The following DCC variants were observed in gnomAD, a reference collection of about 807,000 sequenced individuals.
The protein encoded by DCC is DCC netrin 1 receptor.
A neutral mutation model predicts 172.5 loss-of-function variants in DCC; 58 were observed. The observed-to-expected ratio is 0.34, with a 90% CI of 0.27 to 0.42. The LOEUF (loss-of-function observed/expected upper bound fraction) is 0.42, where lower values mean the gene tolerates loss of function less well. Among genes scored for constraint, DCC ranks in the 10% least tolerant of loss-of-function variants. DCC has a pLI of 1.00. For synonymous variants in DCC, 709 were observed against 644.5 expected (o/e 1.10, Z -1.52); for missense variants, 1,740 against 1,791.0 (o/e 0.97, Z 0.51).
At chr18:53,280,580 T>C (rs566475083) in intron 12 of DCC, among the ~76,000 whole-genome samples, 2 of 152,190 alleles carry the variant, frequency 1.3e-5, no homozygotes, top group Admixed American at 6.6e-5. Flanking sequence ...GTTTTATTCA[T>C]ACTCTTGCCA....
chr18:52,800,069 T>C (rs921676900), intron 2 of DCC, among the ~76,000 whole-genome samples: 1 of 152,242 alleles, frequency 6.6e-6, no homozygotes, highest in Non-Finnish European at 1.5e-5. Flanking sequence ...TTCTAAATTA[T>C]ACTTTTATTA....
In DCC at chr18:52,946,835, G is replaced by C. The variant is rs529395031; in HGVS notation, c.985+21465G>C. Among the ~76,000 whole-genome samples, 86 of 152,282 alleles carry C rather than the reference G, an allele frequency of 5.6e-4. 2 individuals are homozygous for C. In the South Asian group the frequency reaches 0.018, roughly 31 times the overall value. On this transcript the variant is annotated intron_variant, in intron 5 of 28. Coordinates refer to ENST00000442544, the MANE Select transcript of DCC (RefSeq NM_005215.4). ...AATCCAGGGCCAAAATTAGGGTAAG[G>C]CAGGTGAGGTGCAAAATTTAAGAGG... is the stretch of plus-strand genomic sequence containing the variant.
At chr18:52,736,940 C>T (rs2036739649) in intron 1 of DCC, among the ~76,000 whole-genome samples, 1 of 152,140 alleles carries the variant, frequency 6.6e-6, no homozygotes, top group Admixed American at 6.6e-5. Context: ...TCAATAAACT[C>T]AGCACACTTT....
At chr18:52,731,203 G>A (rs1334284122) in intron 1 of DCC, among the ~76,000 whole-genome samples, 2 of 152,180 alleles carry the variant, frequency 1.3e-5, no homozygotes, top group Admixed American at 6.5e-5. Context: ...CCTAGACACT[G>A]TGTAATTAAT....
intron 1 of DCC, among the ~76,000 whole-genome samples, chr18:52,647,416 G>GT (rs1403924335): frequency 6.6e-6 from 1 of 152,152 alleles, no homozygotes; most frequent in East Asian, 1.9e-4. Flanking sequence ...TTGCCATCTG[G>GT]TGATAATGGA....
intron 11 of DCC, among the ~76,000 whole-genome samples, chr18:53,213,572 C>T (rs973970363): frequency 2.9e-5 from 4 of 138,508 alleles, no homozygotes; most frequent in African/African-American, 5.4e-5. Context: ...GGTGTGAACC[C>T]GGGAGACGAA....
At chr18:52,685,458 TC>T (rs1174776448) in intron 1 of DCC, among the ~76,000 whole-genome samples, 3 of 152,252 alleles carry the variant, frequency 2.0e-5, no homozygotes, top group African/African-American at 4.8e-5. Context: ...AAATTTTGAT[TC>T]CCAGTTATGA....
intron 12 of DCC, among the ~76,000 whole-genome samples, chr18:53,271,824 C>T (rs1346960467): frequency 1.3e-5 from 2 of 152,158 alleles, no homozygotes; most frequent in Non-Finnish European, 2.9e-5. Context: ...AGGCTGCCTA[C>T]CAGCGTCTCC....
chr18:52,532,535 C>A (rs1249452003), intron 1 of DCC, among the ~76,000 whole-genome samples: 1 of 152,134 alleles, frequency 6.6e-6, no homozygotes, highest in East Asian at 1.9e-4. Context: ...ATTCTGGGAG[C>A]TGGATCTTCT....
chr18:52,679,369 C>G (rs1291850713), intron 1 of DCC, among the ~76,000 whole-genome samples: 1 of 152,022 alleles, frequency 6.6e-6, no homozygotes, highest in Non-Finnish European at 1.5e-5. Context: ...TGTGTTCATT[C>G]TAAAGCTAAC....
intron 13 of DCC, among the ~76,000 whole-genome samples, chr18:53,310,831 A>G (rs1015605523): frequency 6.6e-6 from 1 of 152,194 alleles, no homozygotes; most frequent in African/African-American, 2.4e-5. Context: ...AAAATTAGAA[A>G]TAGAACATAA....
intron 7 of DCC, among the ~76,000 whole-genome samples, chr18:53,129,523 T>C (rs1443455911): frequency 6.6e-6 from 1 of 152,188 alleles, no homozygotes; most frequent in Non-Finnish European, 1.5e-5. Context: ...TTGTCTGATT[T>C]CTAACACCAT....
chr18:53,089,588 CAAAAAA>C (rs1568297675), intron 7 of DCC, among the ~76,000 whole-genome samples: 1 of 125,834 alleles, frequency 7.9e-6, no homozygotes, highest in African/African-American at 3.5e-5. Flanking sequence ...AAAAAAAAAC[CAAAAAA>C]CAAAAAACAA....
intron 12 of DCC, among the ~76,000 whole-genome samples, chr18:53,278,227 T>C (rs1223476412): frequency 2.0e-5 from 3 of 152,152 alleles, no homozygotes; most frequent in Non-Finnish European, 2.9e-5. Context: ...TTGGGAATTA[T>C]ATGAGTCTAG....
At chr18:52,516,781 G>T (rs774095068) in intron 1 of DCC, among the ~76,000 whole-genome samples, 24 of 152,024 alleles carry the variant, frequency 1.6e-4, no homozygotes, top group Non-Finnish European at 3.2e-4. Context: ...CATCAGATCT[G>T]ATTATATTGT....
chr18:53,530,217 C>A, intron 28 of DCC: 1 of 649,594 alleles, frequency 1.5e-6, no homozygotes. Context: ...ATGTCATTAT[C>A]ATTTTATAGA....
intron 10 of DCC, 84 bp downstream of exon 10, chr18:53,205,448 A>G: frequency 7.3e-7 from 1 of 1,374,788 alleles, no homozygotes; most frequent in African/African-American, 1.4e-5. Flanking sequence ...GAAATAGGAA[A>G]AGACTCGCAA....
At chr18:52,826,818 C>T (rs184812954) in intron 2 of DCC, among the ~76,000 whole-genome samples, 97 of 152,192 alleles carry the variant, frequency 6.4e-4, no homozygotes, top group East Asian at 2.3e-3. Flanking sequence ...CCTCTGTATC[C>T]GTGGAGTTTC....
At chr18:52,978,809 T>C (rs1280629362) in intron 5 of DCC, among the ~76,000 whole-genome samples, 2 of 152,210 alleles carry the variant, frequency 1.3e-5, no homozygotes, top group African/African-American at 4.8e-5. Context: ...AGTGAGAACA[T>C]ACGGTATTTG....
Sources: gnomAD v4.1 joint callset for allele counts (sites outside exome capture counted in the v4.1 genomes callset) on GRCh38, gnomAD v4.1.1 for gene constraint, MANE v1.5 for transcripts, NCBI Gene and HGNC (gene_info 2026-07-23, HGNC 2026-07-21) for gene names.